The following URB2 variants were observed in gnomAD, a reference collection of about 807,000 sequenced individuals.
The protein encoded by URB2 is URB2 ribosome biogenesis homolog, also known as unhealthy ribosome biogenesis protein 2 homolog.
In URB2, 86 loss-of-function variants were observed where a neutral mutation model predicts 120.9. The ratio of observed to expected loss-of-function variants is 0.71; its 90% CI spans 0.60 to 0.85. URB2 has a LOEUF of 0.85. Ranked by LOEUF, URB2 falls within the 40% of genes least tolerant of loss-of-function variation. The pLI is 0.00. For missense variants in URB2, 1,765 were observed against 1,836.5 expected, an observed-to-expected ratio of 0.96 and a Z score of 0.71; for synonymous variants, 755 against 758.4, an observed-to-expected ratio of 1.00 and a Z score of 0.07.
In URB2 at chr1:229,651,264, G is replaced by T; in HGVS notation, c.4179G>T (p.Leu1393Phe). ...TGCTGAAAGCCATCCCTTCTTTCTT[G>T]AACTCTTTCAATAGATTGGTGTTTT... ...KVMLKAIPSF[L>F]NSFNRLVFSV... The change falls in exon 8 of 10, where the codon TTG (leucine) becomes TTT (phenylalanine). Residue 1393 changes from leucine (L) to phenylalanine (F), a missense_variant. Coordinates refer to ENST00000258243, the MANE Select transcript of URB2 (RefSeq NM_014777.4). 1 of 1,611,346 alleles carries T rather than the reference G, an allele frequency of 6.2e-7. No homozygotes were observed. Among genetic ancestry groups the T allele is most frequent in the South Asian group, 1.1e-5 (1 of 90,430 alleles).
In URB2 at chr1:229,637,517, T is replaced by G; in HGVS notation, c.2904T>G (p.Ser968Arg). 1 of 1,614,154 alleles carries G rather than the reference T, an allele frequency of 6.2e-7. No homozygotes were observed. The highest frequency in any genetic ancestry group is 1.1e-5 in the South Asian group (1 of 91,082). Residue 968 changes from serine to arginine, a missense_variant, in exon 4 of 10, where the codon AGT (serine) becomes AGG (arginine). Transcript: ENST00000258243. ...CTGTGTTCAAGATCATGTATGGTAG[T>G]GATATTTTTGAGGTTGTACTGACCT... ...ARSVFKIMYG[S>R]DIFEVVLTSL...
intron 2 of URB2, among the ~76,000 whole-genome samples, chr1:229,631,449 G>T (rs2102779929): frequency 6.6e-6 from 1 of 152,284 alleles, no homozygotes; most frequent in Non-Finnish European, 1.5e-5. Flanking sequence ...CAAGAGGCTT[G>T]GTTTTGGTCT....
At chr1:229,651,731 G>A (rs768781372) in intron 8 of URB2, among the ~76,000 whole-genome samples, 7 of 152,170 alleles carry the variant, frequency 4.6e-5, no homozygotes, top group African/African-American at 7.2e-5. Context: ...AGGTCCTGCC[G>A]CTCACTGTTC....
rs757784403 is a variant in URB2 at position 229,635,512 on chromosome 1, T to C, written c.899T>C (p.Val300Ala). ...GCAGCATCCCTTCATACCTCTGTTG[T>C]GGCCAACTCAGTGGCCTTGCTGTAT... is the stretch of plus-strand genomic sequence containing the variant. ...YCAASLHTSV[V>A]ANSVALLYKL... is the part of the protein sequence containing the mutation. Residue 300 changes from valine (V) to alanine (A), a missense_variant, in exon 4 of 10, where the codon GTG (valine) becomes GCG (alanine). Coordinates refer to ENST00000258243, the MANE Select transcript of URB2 (RefSeq NM_014777.4). 3.7e-6 allele frequency: 6 copies of C among 1,614,076 alleles called. No homozygotes were observed. The Admixed American group carries it at 5.0e-5, about 13-fold the overall frequency.
At chr1:229,644,133 C>G (rs534631007) in intron 5 of URB2, among the ~76,000 whole-genome samples, 18 of 152,374 alleles carry the variant, frequency 1.2e-4, no homozygotes, top group African/African-American at 4.3e-4. Context: ...GCTAATACAG[C>G]CTGCATGGTG....
intron 9 of URB2, 29 bp downstream of exon 9, chr1:229,654,417 A>G (rs773956781): frequency 4.3e-6 from 7 of 1,613,976 alleles, no homozygotes; most frequent in South Asian, 1.1e-5. Context: ...TCTTTCACCA[A>G]GTACTGTGTT....
intron 5 of URB2, among the ~76,000 whole-genome samples, chr1:229,645,008 G>A (rs150666314): frequency 3.3e-5 from 5 of 152,098 alleles, no homozygotes; most frequent in Non-Finnish European, 5.9e-5. Context: ...AATTCTGGCC[G>A]GGTGCGGTGG....
chr1:229,641,221 C>T (rs1003700548), intron 4 of URB2, among the ~76,000 whole-genome samples: 3 of 152,024 alleles, frequency 2.0e-5, no homozygotes, highest in African/African-American at 7.2e-5. Context: ...CCGTGTTGGC[C>T]AGGCTGGTCT....
chr1:229,630,645 C>G (rs944926607), intron 2 of URB2, among the ~76,000 whole-genome samples: 5 of 152,116 alleles, frequency 3.3e-5, no homozygotes, highest in African/African-American at 1.2e-4. Context: ...TCAGCCTGTC[C>G]TTTGAAGCTT....
At chr1:229,647,339 A>G (rs891228827) in intron 6 of URB2, among the ~76,000 whole-genome samples, 171 bp from the exon 7 acceptor site, 1 of 152,168 alleles carries the variant, frequency 6.6e-6, no homozygotes, top group Non-Finnish European at 1.5e-5. Context: ...AATATCTTTC[A>G]CTAGAGCTGA....
rs952203023 is a variant in URB2 at position 229,637,302 on chromosome 1, C to G, written c.2689C>G (p.Leu897Val). ...EGEQLESILG[L>V]LEVISALQLD... ...AGAGCAGTTGGAAAGCATCCTGGGG[C>G]TTTTGGAAGTGATTTCTGCCTTACA... Residue 897 changes from leucine to valine, a missense_variant, in exon 4 of 10, where the codon CTT becomes GTT. Leu to Val is a conservative substitution (Grantham distance 32). Coordinates refer to ENST00000258243, the MANE Select transcript of URB2 (RefSeq NM_014777.4). The G allele has an allele frequency of 1.2e-5, 19 of 1,614,082 alleles. No homozygotes were observed. Among genetic ancestry groups the G allele is most frequent in the Non-Finnish European group, 1.5e-5 (18 of 1,180,034 alleles).
chr1:229,627,939 AT>A (rs1158309023), intron 2 of URB2, among the ~76,000 whole-genome samples, 180 bp downstream of exon 2: 10 of 147,872 alleles, frequency 6.8e-5, no homozygotes, highest in African/African-American at 1.2e-4. Context: ...TCATTAATAC[AT>A]TTTTTTTTTC....
chr1:229,650,125 C>A (rs568224668), intron 7 of URB2, among the ~76,000 whole-genome samples: 2 of 152,096 alleles, frequency 1.3e-5, no homozygotes, highest in Admixed American at 1.3e-4. Flanking sequence ...AGAGAATAAT[C>A]CCGACACTTG....
At chr1:229,648,099 C>G (rs575841920) in intron 7 of URB2, among the ~76,000 whole-genome samples, 97 of 152,316 alleles carry the variant, frequency 6.4e-4, no homozygotes, top group Non-Finnish European at 9.6e-4. Flanking sequence ...CACTCCTGAC[C>G]TCATGTGACT....
In URB2 at chr1:229,635,383, G is replaced by T. The variant is rs1665774784; in HGVS notation, c.770G>T (p.Gly257Val). 6.2e-7 allele frequency: 1 copy of T among 1,614,130 alleles called. No individual in the cohort carries two copies. The highest frequency in any genetic ancestry group is 8.5e-7 in the Non-Finnish European group (1 of 1,180,022). ...GAGCTACTGTCATCCTACAAGGAGG[G>T]GCTCTTGGACCAGCAGCAAGGGGAT... ...QPELLSSYKE[G>V]LLDQQQGDVK... Residue 257 changes from glycine to valine, a missense_variant, in exon 4 of 10, where the codon GGG becomes GTG. By Grantham distance (109) the Gly-to-Val change is moderately radical. Coordinates refer to ENST00000258243, the MANE Select transcript of URB2 (RefSeq NM_014777.4).
chr1:229,643,187 G>A (rs1666054677), intron 4 of URB2, among the ~76,000 whole-genome samples: 1 of 152,216 alleles, frequency 6.6e-6, no homozygotes, highest in South Asian at 2.1e-4. Context: ...AGAGGCAGAA[G>A]AAAACCCATG....
chr1:229,659,047 C>T (rs1421151989), intron 9 of URB2, 53 bp from the exon 10 acceptor site: 17 of 1,560,312 alleles, frequency 1.1e-5, no homozygotes, highest in Admixed American at 8.6e-5. Context: ...GCAGGTGGTG[C>T]GGCTTGATCT....
chr1:229,639,647 T>C (rs1665953823), intron 4 of URB2, among the ~76,000 whole-genome samples: 1 of 152,196 alleles, frequency 6.6e-6, no homozygotes, highest in Non-Finnish European at 1.5e-5. Flanking sequence ...AATCACTTAA[T>C]TTCCAAAGAG....
chr1:229,647,305 C>G (rs568881249), intron 6 of URB2, among the ~76,000 whole-genome samples: 151 of 152,292 alleles, frequency 9.9e-4, no homozygotes, highest in African/African-American at 2.4e-3. Context: ...GGTCTGTTCT[C>G]TTTATATTCT....
Sources: allele counts gnomAD v4.1 joint callset (sites outside exome capture counted in the v4.1 genomes callset), GRCh38; gene constraint gnomAD v4.1.1; transcripts MANE v1.5; gene names NCBI Gene and HGNC (gene_info 2026-07-23, HGNC 2026-07-21).